The following CES1 variants were observed in gnomAD, a reference collection of about 807,000 sequenced individuals.
CES1 encodes the protein carboxylesterase 1.
CES1 carries 50 observed loss-of-function variants against 53.0 expected under a neutral mutation model. The observed-to-expected ratio is 0.94, with a 90% CI of 0.75 to 1.19. The LOEUF (loss-of-function observed/expected upper bound fraction) is 1.19. Ranked by LOEUF, CES1 falls within the 50% of genes most tolerant of loss-of-function variation. The pLI, the probability that CES1 is intolerant of heterozygous loss-of-function variation, is 0.00. For missense variants in CES1, 534 were observed against 538.0 expected, an observed-to-expected ratio of 0.99 and a Z score of 0.07; for synonymous variants, 202 against 210.1, an observed-to-expected ratio of 0.96 and a Z score of 0.33.
At chr16:55,825,252 A>G (rs1363416094) in intron 3 of CES1, among the ~76,000 whole-genome samples, 1 of 152,244 alleles carries the variant, frequency 6.6e-6, no homozygotes, top group East Asian at 1.9e-4. Flanking sequence ...CACAAAGCAC[A>G]TGTAGGACCA....
chr16:55,812,066 A>G (rs537915412), intron 9 of CES1, among the ~76,000 whole-genome samples: 43 of 152,348 alleles, frequency 2.8e-4, no homozygotes, highest in African/African-American at 9.9e-4. Flanking sequence ...AAACGTCATC[A>G]GGCTTTTGTT....
Sources: gnomAD v4.1 joint callset for allele counts (sites outside exome capture counted in the v4.1 genomes callset) on GRCh38, gnomAD v4.1.1 for gene constraint, MANE v1.5 for transcripts, NCBI Gene and HGNC (gene_info 2026-07-23, HGNC 2026-07-21) for gene names.